The following ORC3 variants were observed in gnomAD, a reference collection of about 807,000 sequenced individuals.
ORC3 encodes origin recognition complex subunit 3, also known as homolog of latheo, Drosophila.
In ORC3, 78 loss-of-function variants were observed where a neutral mutation model predicts 100.7. The ratio of observed to expected loss-of-function variants is 0.77; its 90% CI spans 0.65 to 0.94. The LOEUF is 0.94. Among genes scored for constraint, ORC3 ranks in the 40% least tolerant of loss-of-function variants. ORC3 has a pLI of 0.00. For synonymous variants in ORC3, 295 were observed against 289.3 expected (o/e 1.02, Z -0.20); for missense variants, 789 against 823.9 (o/e 0.96, Z 0.52).
Position 87,634,834 on chromosome 6 carries a change from G to T in ORC3, c.1186-11G>T. On this transcript the variant is annotated splice_polypyrimidine_tract_variant and intron_variant, in intron 11 of 19. Coordinates refer to ENST00000392844, the MANE Select transcript of ORC3 (RefSeq NM_012381.4). ...GACTTACATATTAATAATATATTCT[G>T]TGATTTTTAGGAGGAAACACAATTA... 1 of 1,207,748 alleles carries T rather than the reference G, an allele frequency of 8.3e-7. No homozygotes were observed. The highest frequency in any genetic ancestry group is 2.3e-5 in the East Asian group (1 of 43,000). 74.8% of individuals were successfully genotyped at this position (1,207,748 alleles called of 1,614,324 possible). A position where few individuals can be genotyped will look rare whatever the true frequency, so the allele number is the denominator to read the frequency against.
At chr6:87,670,093 A>T (rs9444532), downstream of ORC3, among the ~76,000 whole-genome samples, 44,272 of 152,112 alleles carry the variant, frequency 0.29, 6,766 homozygotes, top group Admixed American at 0.4. Context: ...AATTTATCCA[A>T]CATAAACGCA....
At chr6:87,612,662 A>G (rs1460055609) in intron 8 of ORC3, among the ~76,000 whole-genome samples, 3 of 152,178 alleles carry the variant, frequency 2.0e-5, no homozygotes, top group Non-Finnish European at 4.4e-5. Flanking sequence ...TCCAGGCTGG[A>G]GTGCAGTGAC....
chr6:87,663,238 G>T, intron 17 of ORC3, 94 bp downstream of exon 17: 1 of 969,576 alleles, frequency 1.0e-6, no homozygotes. Context: ...GTTTTAATGA[G>T]CAGAGAGTCG....
At chr6:87,676,447 C>CAAAAAA in the ORC3 span, among the ~76,000 whole-genome samples, 7 of 41,914 alleles carry the variant, frequency 1.7e-4, no homozygotes, top group Non-Finnish European at 2.6e-4. Flanking sequence ...GCCTGGGCAA[C>CAAAAAA]AAAAAAAAAA....
the ORC3 span, among the ~76,000 whole-genome samples, chr6:87,673,815 T>TG: frequency 6.6e-6 from 1 of 150,648 alleles, no homozygotes; most frequent in Non-Finnish European, 1.5e-5. Flanking sequence ...CACTCCAGCC[T>TG]GGTGACAGAG....
At chr6:87,606,182 C>T (rs1370363435) in intron 5 of ORC3, among the ~76,000 whole-genome samples, 161 bp downstream of exon 5, 1 of 152,168 alleles carries the variant, frequency 6.6e-6, no homozygotes, top group African/African-American at 2.4e-5. Flanking sequence ...GTAATTGTGA[C>T]TATTACAGAA....
At chr6:87,649,603 C>T (rs774649417) in intron 13 of ORC3, among the ~76,000 whole-genome samples, 5 of 152,164 alleles carry the variant, frequency 3.3e-5, no homozygotes, top group Non-Finnish European at 2.9e-5. Context: ...CAAAATTAGC[C>T]GGCGTGGCAG....
chr6:87,665,887 T>A, intron 19 of ORC3, 54 bp downstream of exon 19: 1 of 1,105,830 alleles, frequency 9.0e-7, no homozygotes, highest in South Asian at 1.3e-5. Context: ...AATATAAGTT[T>A]ATAATTTCTC....
intron 13 of ORC3, among the ~76,000 whole-genome samples, chr6:87,648,216 A>G (rs919544748): frequency 1.3e-5 from 2 of 152,140 alleles, no homozygotes; most frequent in African/African-American, 4.8e-5. Flanking sequence ...AAAACAAAAC[A>G]AAACAAAACA....
intron 16 of ORC3, among the ~76,000 whole-genome samples, chr6:87,658,856 G>A (rs1769933648): frequency 6.6e-6 from 1 of 152,040 alleles, no homozygotes; most frequent in African/African-American, 2.4e-5. Context: ...ATTTTAAGAT[G>A]TTTCCTTTTT....
chr6:87,632,541 A>G (rs915488602), intron 11 of ORC3, among the ~76,000 whole-genome samples: 1 of 152,170 alleles, frequency 6.6e-6, no homozygotes, highest in Non-Finnish European at 1.5e-5. Flanking sequence ...GCCATGTTGT[A>G]TGGAACAAAA....
chr6:87,664,676 T>C, intron 17 of ORC3, 67 bp from the exon 18 acceptor site: 2 of 1,315,138 alleles, frequency 1.5e-6, no homozygotes, highest in South Asian at 2.4e-5. Flanking sequence ...GGGGGCTTCA[T>C]TAATGTCTGA....
chr6:87,646,655 C>T (rs142873596), intron 13 of ORC3, among the ~76,000 whole-genome samples: 2 of 152,304 alleles, frequency 1.3e-5, no homozygotes, highest in East Asian at 1.9e-4. Flanking sequence ...TTCATCACTC[C>T]CTTCTTAATG....
intron 16 of ORC3, among the ~76,000 whole-genome samples, chr6:87,659,966 C>A (rs1583169635): frequency 1.3e-5 from 2 of 151,994 alleles, no homozygotes; most frequent in Admixed American, 6.5e-5. Flanking sequence ...TAACCTTGCC[C>A]TACTGGGCTT....
At chr6:87,675,457 T>G in the ORC3 span, 3 of 1,207,982 alleles carry the variant, frequency 2.5e-6, 1 homozygote, top group South Asian at 2.6e-5. Flanking sequence ...TGCTGCTGCC[T>G]AAGAGTGGTT....
chr6:87,597,997 G>A (rs1486550559), intron 2 of ORC3, among the ~76,000 whole-genome samples: 5 of 152,118 alleles, frequency 3.3e-5, no homozygotes, highest in Non-Finnish European at 5.9e-5. Flanking sequence ...AACTAATACA[G>A]TTGTTAATAT....
chr6:87,657,753 C>G (rs1769830704), intron 15 of ORC3, among the ~76,000 whole-genome samples, 168 bp from the exon 16 acceptor site: 1 of 152,100 alleles, frequency 6.6e-6, no homozygotes, highest in African/African-American at 2.4e-5. Flanking sequence ...AGATTCTTGC[C>G]AGACCTTAAA....
the ORC3 span, among the ~76,000 whole-genome samples, chr6:87,674,553 T>C: frequency 6.6e-6 from 1 of 150,472 alleles, no homozygotes; most frequent in African/African-American, 2.5e-5. Context: ...CCTACTGATA[T>C]CTGAGGTAAT....
intron 13 of ORC3, chr6:87,651,521 A>G (rs1258619346): frequency 3.6e-6 from 1 of 278,704 alleles, no homozygotes; most frequent in African/African-American, 2.2e-5. Flanking sequence ...GTCTTGGCTT[A>G]TTTTTCCTTG....
Sources: allele counts gnomAD v4.1 joint callset (sites outside exome capture counted in the v4.1 genomes callset), GRCh38; gene constraint gnomAD v4.1.1; transcripts MANE v1.5; gene names NCBI Gene and HGNC (gene_info 2026-07-23, HGNC 2026-07-21).